CCDC24: variants seen among roughly 807,000 people sequenced by gnomAD.
CCDC24 encodes coiled-coil domain containing 24.
In CCDC24, 34 loss-of-function variants were observed where a neutral mutation model predicts 31.6. That is an observed-to-expected ratio of 1.08 (90% CI 0.82 to 1.43). CCDC24 has a LOEUF of 1.43. CCDC24 is among the 40% of genes most tolerant of loss of function. The probability of loss-of-function intolerance (pLI) is 0.00; values close to 1 mark genes in which losing one functional copy is unlikely to be tolerated. For missense variants in CCDC24, 426 were observed against 391.1 expected, an observed-to-expected ratio of 1.09 and a Z score of -0.75; for synonymous variants, 175 against 157.3, an observed-to-expected ratio of 1.11 and a Z score of -0.84.
rs1472937056 is a variant in CCDC24 at position 43,992,277 on chromosome 1, C to A, written c.192C>A (p.Ile64=). 1 of 1,614,182 alleles carries A rather than the reference C, an allele frequency of 6.2e-7. No individual in the cohort carries two copies. The highest frequency in any genetic ancestry group is 1.1e-5 in the South Asian group (1 of 91,086). ...CTCAAGCCCCCAGCTCCCGCCCCAT[C>A]TCTGACCCCTCTTCTCTTCTGGCAC... The part of the protein sequence containing the change: ...RSSQAPSSRP[I]SDPSSLLAPP... Residue 64 remains isoleucine (I), a synonymous_variant, in exon 3 of 9, where the codon ATC becomes ATA. Coordinates refer to ENST00000372318, the MANE Select transcript of CCDC24 (RefSeq NM_152499.4).
In CCDC24 at chr1:43,996,472, A is replaced by G. The variant is rs2085863000; in HGVS notation, c.*312A>G. On this transcript the variant is annotated 3_prime_UTR_variant, in exon 9 of 9. Transcript: ENST00000372318. The stretch of plus-strand genomic sequence containing the variant: ...GTCCCCTGGGGGACCCAGACAAAGC[A>G]CAGCAGCCGCTCAGAGACAGGAATA... The G allele has an allele frequency of 2.7e-6, 1 of 372,876 alleles. No individual in the cohort carries two copies. Among genetic ancestry groups the G allele is most frequent in the Non-Finnish European group, 4.8e-6 (1 of 207,646 alleles). 23.1% of individuals were successfully genotyped at this position (372,876 alleles called of 1,614,324 possible).
At chr1:43,994,412 G>T in intron 5 of CCDC24, 1 of 161,276 alleles carries the variant, frequency 6.2e-6, no homozygotes, top group Non-Finnish European at 1.3e-5. Flanking sequence ...GGGTGGCAGA[G>T]CAAGACCCTG....
In CCDC24 at chr1:43,992,033, C is replaced by T. The variant is rs374517295; in HGVS notation, c.126+29C>T. ...GGGAGAGGGAAGGTGGGCCACGCCCCTGGCCTGCCCCACGACTCGGGTGAT... is the reference window on the plus strand; with the variant it reads ...GGGAGAGGGAAGGTGGGCCACGCCCTTGGCCTGCCCCACGACTCGGGTGAT... On this transcript the variant is annotated intron_variant, in intron 2 of 8. Coordinates refer to ENST00000372318, the MANE Select transcript of CCDC24 (RefSeq NM_152499.4). 47 of 1,472,852 alleles carry T rather than the reference C, an allele frequency of 3.2e-5. 1 individual carries two copies. In the African/African-American group the frequency reaches 6.2e-4, roughly 19 times the overall value. 91.2% of individuals were successfully genotyped at this position (1,472,852 alleles called of 1,614,324 possible). A position where few individuals can be genotyped will look rare whatever the true frequency, so the allele number is the denominator to read the frequency against.
chr1:43,995,836 TTG>T lies in CCDC24; in HGVS notation c.685_686del (p.Val229LeufsTer141). ...AGCTGCAGGCATCTGTGGGGCCTTC[TTG>T]TGTCTCTCCCAACCACAGGTAAACC... Reference protein sequence around the residue: ...QELQASVGPSCVSPNHRQRPL... With the variant: ...QELQASVGPSXVSPNHRQRPL... On this transcript the variant is annotated frameshift_variant, in exon 8 of 9. Transcript: ENST00000372318. LOFTEE classifies it low-confidence loss of function (END_TRUNC). The surrounding 1 kb of genome is among the most constrained non-coding windows in gnomAD (Gnocchi z 4.3). The T allele has an allele frequency of 6.2e-7, 1 of 1,614,220 alleles. No individual in the cohort carries two copies. Among genetic ancestry groups the T allele is most frequent in the Non-Finnish European group, 8.5e-7 (1 of 1,180,022 alleles).
Position 43,995,254 on chromosome 1 carries a change from G to C in CCDC24, c.552+92G>C, listed in dbSNP as rs2085819133. On this transcript the variant is annotated intron_variant, in intron 6 of 8. Coordinates refer to ENST00000372318, the MANE Select transcript of CCDC24 (RefSeq NM_152499.4). This position sits in a 1 kb window ranked among gnomAD's most constrained non-coding sequence, Gnocchi z 4.3. ...CCCATGTACCTGTGTGCATACATAG[G>C]TGCATGTACAGGCTATGTGAGTCCT... is the stretch of plus-strand genomic sequence containing the variant. 1 of 1,273,480 alleles carries C rather than the reference G, an allele frequency of 7.9e-7. No homozygotes were observed. 78.9% of individuals were successfully genotyped at this position (1,273,480 alleles called of 1,614,324 possible).
chr1:43,995,513 CG>C lies in CCDC24; in HGVS notation c.553-85del, dbSNP rs2085825640. On this transcript the variant is annotated intron_variant, in intron 6 of 8. Transcript: ENST00000372318. This position sits in a 1 kb window ranked among gnomAD's most constrained non-coding sequence, Gnocchi z 4.3. ...CGGTGGATGGGCTGAAGGGGCTGCA[CG>C]GGCCTGCCCTGGGGATCTTGGCCTC... The C allele has an allele frequency of 2.2e-6, 3 of 1,377,116 alleles. No individual in the cohort carries two copies. The South Asian group carries it at 4.3e-5, about 20-fold the overall frequency. The allele number at this position is 1,377,116 out of a possible 1,614,324, so 85.3% of individuals were successfully genotyped here.
chr1:43,994,122 T>A (rs1040616784), intron 5 of CCDC24, 158 bp downstream of exon 5: 41 of 659,154 alleles, frequency 6.2e-5, no homozygotes, highest in Non-Finnish European at 1.0e-4. Context: ...GCTATAGAGC[T>A]AGTGAGGTTG....
In CCDC24 at chr1:43,993,695, G is replaced by A. The variant is rs1571819096; in HGVS notation, c.420-192G>A. ...AGAAACTAAAGCTCAGAAGCGATAA[G>A]TGATTTGCCTGAAGTCACACACAAT... is the stretch of plus-strand genomic sequence containing the variant. On this transcript the variant is annotated intron_variant, in intron 4 of 8. Transcript: ENST00000372318. 4 of 516,508 alleles carry A rather than the reference G, an allele frequency of 7.7e-6. No individual in the cohort carries two copies. In the East Asian group the frequency reaches 1.2e-4, roughly 16 times the overall value. The allele number at this position is 516,508 out of a possible 1,614,324, so 32.0% of individuals were successfully genotyped here. A position where few individuals can be genotyped will look rare whatever the true frequency, so the allele number is the denominator to read the frequency against.
At position 43,991,748 on chromosome 1, in the gene CCDC24, T is replaced by G. The variant is rs2154303568; in HGVS notation, c.-33+2T>G. On this transcript the variant is annotated splice_donor_variant, in intron 1 of 8. Transcript: ENST00000372318. LOFTEE classifies it low-confidence loss of function (5UTR_SPLICE). Reference sequence around the variant, plus strand: ...GAGGGGACCAGCGGCAGAGCACGGGTGGGGCTTGGGAGAGGGCGGGGCCCA... The same window carrying G: ...GAGGGGACCAGCGGCAGAGCACGGGGGGGGCTTGGGAGAGGGCGGGGCCCA... The G allele has an allele frequency of 8.4e-7, 1 of 1,196,330 alleles. No homozygotes were observed. The highest frequency in any genetic ancestry group is 2.5e-5 in the East Asian group (1 of 39,236). The allele number at this position is 1,196,330 out of a possible 1,614,324, so 74.1% of individuals were successfully genotyped here. A position where few individuals can be genotyped will look rare whatever the true frequency, so the allele number is the denominator to read the frequency against.
In CCDC24 at chr1:43,995,138, G is replaced by A; in HGVS notation, c.528G>A (p.Leu176=). Residue 176 remains leucine (L), a synonymous_variant, in exon 6 of 9, where the codon TTG becomes TTA. Transcript: ENST00000372318. The surrounding 1 kb of genome is among the most constrained non-coding windows in gnomAD (Gnocchi z 4.3). ...TTCTGGAGGAGGAGTGTCACACCTT[G>A]GAGAGGGAGATCCTCATCCTGCAGG... is the stretch of plus-strand genomic sequence containing the variant. ...RGLLEEECHT[L]EREILILQRC... The A allele has an allele frequency of 6.3e-7, 1 of 1,581,430 alleles. No individual in the cohort carries two copies. The highest frequency in any genetic ancestry group is 1.2e-5 in the South Asian group (1 of 86,424).
rs1256393195 is a variant in CCDC24 at position 43,992,605 on chromosome 1, CA to C, written c.386del (p.Gln129ArgfsTer6). 1 of 1,614,228 alleles carries C rather than the reference CA, an allele frequency of 6.2e-7. No homozygotes were observed. The highest frequency in any genetic ancestry group is 8.5e-7 in the Non-Finnish European group (1 of 1,180,040). ...LEEPRCDLPEQEIFQMRGGGP... is the reference protein window; with the variant it reads ...LEEPRCDLPEXEIFQMRGGGP... The stretch of plus-strand genomic sequence containing the variant: ...GGAGCCCAGGTGTGATTTGCCAGAA[CA>C]GGAGATATTCCAGATGAGAGGTGGT... On this transcript the variant is annotated frameshift_variant, in exon 4 of 9. Coordinates refer to ENST00000372318, the MANE Select transcript of CCDC24 (RefSeq NM_152499.4). LOFTEE classifies it high-confidence loss of function.
At position 43,995,638 on chromosome 1, in the gene CCDC24, C is replaced by T. The variant is rs777306784; in HGVS notation, c.590C>T (p.Pro197Leu). 1 of 1,612,918 alleles carries T rather than the reference C, an allele frequency of 6.2e-7. No homozygotes were observed. Among genetic ancestry groups the T allele is most frequent in the South Asian group, 1.1e-5 (1 of 90,816 alleles). Residue 197 changes from proline to leucine, a missense_variant, in exon 7 of 9, where the codon CCC (proline) becomes CTC (leucine). Physicochemically the swap from Pro to Leu is moderately conservative, Grantham distance 98. Coordinates refer to ENST00000372318, the MANE Select transcript of CCDC24 (RefSeq NM_152499.4). The surrounding 1 kb of genome is among the most constrained non-coding windows in gnomAD (Gnocchi z 4.3). ...GAGGAGTATTTGAGGCCTTGCCACCCCTCTGAGGCAGCCCTGGAGCCCACC... is the reference window on the plus strand; with the variant it reads ...GAGGAGTATTTGAGGCCTTGCCACCTCTCTGAGGCAGCCCTGGAGCCCACC... ...LEEEYLRPCH[P>L]SEAALEPTLA...
At chr1:43,991,795 G>A (rs1218039884) in intron 1 of CCDC24, 49 bp downstream of exon 1, 1 of 1,515,360 alleles carries the variant, frequency 6.6e-7, no homozygotes, top group South Asian at 1.2e-5. Flanking sequence ...GGTTTGGTGA[G>A]CGTTGCCGGC....
chr1:43,993,620 C>CT (rs2085782045), intron 4 of CCDC24, among the ~76,000 whole-genome samples: 1 of 148,412 alleles, frequency 6.7e-6, no homozygotes. Context: ...GCACTCCAGC[C>CT]TGGGCAACAG....
In CCDC24 at chr1:43,995,707, C is replaced by G. The variant is rs1306890616; in HGVS notation, c.622+37C>G. 9.9e-6 allele frequency: 16 copies of G among 1,612,930 alleles called. No individual in the cohort carries two copies. The highest frequency in any genetic ancestry group is 1.3e-5 in the African/African-American group (1 of 74,900). On this transcript the variant is annotated intron_variant, in intron 7 of 8. Coordinates refer to ENST00000372318, the MANE Select transcript of CCDC24 (RefSeq NM_152499.4). This position sits in a 1 kb window ranked among gnomAD's most constrained non-coding sequence, Gnocchi z 4.3. ...GAGCAGGGCCCAGAACACCCAGCCT[C>G]CTGCTCCCACCCCACACTTGTACAC... is the stretch of plus-strand genomic sequence containing the variant.
Position 43,996,432 on chromosome 1 carries a change from T to G in CCDC24, c.*272T>G. On this transcript the variant is annotated 3_prime_UTR_variant, in exon 9 of 9. Transcript: ENST00000372318. ...AAGGCCTGGCAGACAGAGGTCTCAT[T>G]CCAGCCTGACTCTTGTCCCCTGGGG... The G allele has an allele frequency of 2.3e-6, 1 of 431,334 alleles. No individual in the cohort carries two copies. The highest frequency in any genetic ancestry group is 4.1e-6 in the Non-Finnish European group (1 of 243,606). The allele number at this position is 431,334 out of a possible 1,614,324, so 26.7% of individuals were successfully genotyped here.
At chr1:43,994,789 G>C in intron 5 of CCDC24, 1 of 426,922 alleles carries the variant, frequency 2.3e-6, no homozygotes, top group South Asian at 4.1e-5. Context: ...GCCTGTGTCA[G>C]AGGATTTTAA....
In CCDC24 at chr1:43,995,676, G is replaced by A; in HGVS notation, c.622+6G>A. 6.2e-7 allele frequency: 1 copy of A among 1,613,722 alleles called. No individual in the cohort carries two copies. On this transcript the variant is annotated splice_donor_region_variant and intron_variant, in intron 7 of 8. Coordinates refer to ENST00000372318, the MANE Select transcript of CCDC24 (RefSeq NM_152499.4). This position sits in a 1 kb window ranked among gnomAD's most constrained non-coding sequence, Gnocchi z 4.3. ...CCTGGAGCCCACCCTGGCAGGTGAG[G>A]ACACGGAGCAGGGCCCAGAACACCC...
chr1:43,992,442 C>T lies in CCDC24; in HGVS notation c.302+55C>T, dbSNP rs564846391. ...TAGATACCAGGTGGGCTAGCGCTGC[C>T]CCTAACAAGGAGCCAGGGTTGCCTT... On this transcript the variant is annotated intron_variant, in intron 3 of 8. Transcript: ENST00000372318. The T allele has an allele frequency of 1.4e-5, 23 of 1,612,426 alleles. No homozygotes were observed. In the African/African-American group the frequency reaches 2.7e-4, roughly 19 times the overall value.
Sources: gnomAD v4.1 joint callset for allele counts (sites outside exome capture counted in the v4.1 genomes callset) on GRCh38, gnomAD v4.1.1 for gene constraint, Gnocchi (gnomAD v3.1) non-coding constraint, MANE v1.5 for transcripts, NCBI Gene and HGNC (gene_info 2026-07-23, HGNC 2026-07-21) for gene names.